Variants in HDAC4 observed in about 807,000 individuals in gnomAD.
HDAC4 encodes histone deacetylase A.
Under a neutral mutation model 135.1 loss-of-function variants are expected in HDAC4, and 16 were observed. The ratio of observed to expected loss-of-function variants is 0.12; its 90% CI spans 0.08 to 0.18. HDAC4 has a LOEUF of 0.18. Ranked by LOEUF, HDAC4 falls within the 10% of genes least tolerant of loss-of-function variation. The pLI, the probability that HDAC4 is intolerant of heterozygous loss-of-function variation, is 1.00. For synonymous variants in HDAC4, 685 were observed against 653.4 expected, an observed-to-expected ratio of 1.05 and a Z score of -0.74; for missense variants, 1,143 against 1,511.8, an observed-to-expected ratio of 0.76 and a Z score of 4.05.
intron 12 of HDAC4, among the ~76,000 whole-genome samples, chr2:239,124,923 C>T (rs2040060184): frequency 6.8e-6 from 1 of 146,952 alleles, no homozygotes; most frequent in Non-Finnish European, 1.5e-5. Context: ...GGTGTGCTGG[C>T]GTGTGGCTGC....
chr2:239,274,123 T>C (rs1445867224), intron 2 of HDAC4, among the ~76,000 whole-genome samples: 1 of 152,222 alleles, frequency 6.6e-6, no homozygotes, highest in Non-Finnish European at 1.5e-5. Flanking sequence ...CTTTTCACTT[T>C]CGTAAATGTT....
intron 13 of HDAC4, among the ~76,000 whole-genome samples, chr2:239,114,104 C>A (rs2038920628): frequency 6.6e-6 from 1 of 152,180 alleles, no homozygotes; most frequent in African/African-American, 2.4e-5. Context: ...CAGTGGCAAG[C>A]ATTTAAGAAC....
At position 239,081,126 on chromosome 2, in the gene HDAC4, T is replaced by TG. The variant is rs747537946; in HGVS notation, c.2718dup (p.Met907HisfsTer5). On this transcript the variant is annotated frameshift_variant, in exon 22 of 27. Coordinates refer to ENST00000543185, the MANE Select transcript of HDAC4 (RefSeq NM_001378414.1). LOFTEE classifies it high-confidence loss of function. Reference sequence around the variant, plus strand: ...GCCGCCAAGTACTCAGCGTCTCCCATGGGGGGGTCCAGGCCGCCGGTGAAA... The same window carrying TG: ...GCCGCCAAGTACTCAGCGTCTCCCATGGGGGGGGTCCAGGCCGCCGGTGAAA... The TG allele has an allele frequency of 2.5e-6, 4 of 1,613,718 alleles. No homozygotes were observed.
intron 19 of HDAC4, among the ~76,000 whole-genome samples, chr2:239,084,963 A>G (rs2035780417): frequency 6.8e-6 from 1 of 147,182 alleles, no homozygotes; most frequent in South Asian, 2.2e-4. Flanking sequence ...AACCACAGAC[A>G]CATACAAGCA....
rs577565543 is a variant in HDAC4, at chr2:239,076,784, T to C, written c.2750+4311A>G. ...AGATGCTCCCAACCACCCACTTGGA[T>C]GGACACTTTCTCACTTTTTCCTGAA... On this transcript the variant is annotated intron_variant, in intron 22 of 26. Coordinates refer to ENST00000543185, the MANE Select transcript of HDAC4 (RefSeq NM_001378414.1). Among the ~76,000 whole-genome samples, 513 of 152,348 alleles carry C rather than the reference T, an allele frequency of 3.4e-3. 1 individual carries two copies. The highest frequency in any genetic ancestry group is 5.4e-3 in the Non-Finnish European group (365 of 68,032).
intron 7 of HDAC4, among the ~76,000 whole-genome samples, chr2:239,148,244 G>C (rs137937555): frequency 2.6e-5 from 4 of 152,236 alleles, no homozygotes; most frequent in Admixed American, 6.5e-5. Context: ...AAAGACAAGA[G>C]GACAAAAACT....
chr2:239,207,629 A>C lies in HDAC4; in HGVS notation c.95-17552T>G, dbSNP rs2046120792. ...GCCAGTAAGTTTTAAAACTTACATG[A>C]AGTAGACACATTTCTAGAAAAACAT... On this transcript the variant is annotated intron_variant, in intron 3 of 26. Transcript: ENST00000543185. Among the ~76,000 whole-genome samples, 5 of 152,252 alleles carry C rather than the reference A, an allele frequency of 3.3e-5. No individual in the cohort carries two copies. The South Asian group carries it at 1.0e-3, about 31-fold the overall frequency.
intron 11 of HDAC4, among the ~76,000 whole-genome samples, chr2:239,132,961 T>C (rs2040701907): frequency 6.6e-6 from 1 of 152,012 alleles, no homozygotes; most frequent in African/African-American, 2.4e-5. Flanking sequence ...TCCAGAGAGA[T>C]CCGCGTGCCT....
At chr2:239,371,780 C>T (rs1018417257) in intron 1 of HDAC4, among the ~76,000 whole-genome samples, 1 of 152,214 alleles carries the variant, frequency 6.6e-6, no homozygotes, top group East Asian at 1.9e-4. Flanking sequence ...ACCTGTGGTC[C>T]CTCAAAGCTT....
chr2:239,149,405 T>C (rs2041969244), intron 7 of HDAC4, among the ~76,000 whole-genome samples: 1 of 139,574 alleles, frequency 7.2e-6, no homozygotes, highest in Admixed American at 7.2e-5. Flanking sequence ...AATAAAAAGA[T>C]AATTCTAAAA....
At chr2:239,060,727 C>T (rs1409431748) in intron 24 of HDAC4, among the ~76,000 whole-genome samples, 1 of 152,258 alleles carries the variant, frequency 6.6e-6, no homozygotes, top group Non-Finnish European at 1.5e-5. Context: ...TTACCGGAGA[C>T]ACGGCCACCT....
At chr2:239,387,403 A>G (rs745574002) in intron 1 of HDAC4, among the ~76,000 whole-genome samples, 2 of 152,152 alleles carry the variant, frequency 1.3e-5, no homozygotes, top group Non-Finnish European at 2.9e-5. Flanking sequence ...CCACCAACGC[A>G]ATGCCCAGGA....
At chr2:239,128,567 A>G (rs2040356630) in intron 11 of HDAC4, among the ~76,000 whole-genome samples, 1 of 152,116 alleles carries the variant, frequency 6.6e-6, no homozygotes, top group African/African-American at 2.4e-5. Context: ...AGAATTTTTC[A>G]ATTGTTGACG....
intron 15 of HDAC4, among the ~76,000 whole-genome samples, chr2:239,106,117 C>A (rs895333507): frequency 6.6e-6 from 1 of 152,242 alleles, no homozygotes; most frequent in African/African-American, 2.4e-5. Flanking sequence ...CCTCTGCCAG[C>A]CCCTGGCCCA....
intron 3 of HDAC4, among the ~76,000 whole-genome samples, chr2:239,210,994 C>G (rs1467396434): frequency 6.6e-6 from 1 of 152,150 alleles, no homozygotes; most frequent in African/African-American, 2.4e-5. Flanking sequence ...TTTACACATG[C>G]CATCCTAAAA....
chr2:239,357,730 T>TAAAA (rs985656718), intron 1 of HDAC4, among the ~76,000 whole-genome samples: 1 of 147,174 alleles, frequency 6.8e-6, no homozygotes, highest in South Asian at 2.2e-4. Flanking sequence ...CAAAAAATAA[T>TAAAA]AAAAAAAAAT....
chr2:239,227,356 T>C (rs1459446614), intron 3 of HDAC4, among the ~76,000 whole-genome samples: 1 of 151,804 alleles, frequency 6.6e-6, no homozygotes, highest in African/African-American at 2.4e-5. Flanking sequence ...TGCCCCAGCA[T>C]GGGGGCAGGG....
intron 17 of HDAC4, among the ~76,000 whole-genome samples, chr2:239,093,664 T>G (rs1461265911): frequency 6.6e-6 from 1 of 152,228 alleles, no homozygotes; most frequent in Non-Finnish European, 1.5e-5. Flanking sequence ...CATCAGCATC[T>G]GCACACCCAG....
At chr2:239,278,496 C>T (rs1185867995) in intron 2 of HDAC4, among the ~76,000 whole-genome samples, 1 of 152,102 alleles carries the variant, frequency 6.6e-6, no homozygotes, top group African/African-American at 2.4e-5. Flanking sequence ...GCCAACATGG[C>T]AAGACACCAT....
Sources: gnomAD v4.1 joint callset for allele counts (sites outside exome capture counted in the v4.1 genomes callset) on GRCh38, gnomAD v4.1.1 for gene constraint, MANE v1.5 for transcripts, NCBI Gene and HGNC (gene_info 2026-07-23, HGNC 2026-07-21) for gene names.